Variants in DYNC1I1 observed in about 807,000 individuals in gnomAD.
DYNC1I1 encodes the protein dynein cytoplasmic 1 intermediate chain 1.
DYNC1I1 carries 43 observed loss-of-function variants against 86.6 expected under a neutral mutation model. The ratio of observed to expected loss-of-function variants is 0.50; its 90% CI spans 0.39 to 0.64. DYNC1I1 has a LOEUF of 0.64. Ranked by LOEUF, DYNC1I1 falls within the 30% of genes least tolerant of loss-of-function variation. The pLI is 0.00. For synonymous variants in DYNC1I1, 262 were observed against 283.7 expected, an observed-to-expected ratio of 0.92 and a Z score of 0.77; for missense variants, 604 against 788.8, an observed-to-expected ratio of 0.77 and a Z score of 2.81.
intron 5 of DYNC1I1, among the ~76,000 whole-genome samples, chr7:95,851,864 A>G (rs1053938858): frequency 6.6e-5 from 10 of 152,202 alleles, no homozygotes; most frequent in African/African-American, 2.4e-4. Context: ...GGGTTTCTCC[A>G]TGTTGGTCTT....
intron 5 of DYNC1I1, among the ~76,000 whole-genome samples, chr7:95,855,064 T>A (rs530747405): frequency 6.6e-6 from 1 of 152,328 alleles, no homozygotes; most frequent in South Asian, 2.1e-4. Flanking sequence ...AAACTTAATT[T>A]TATTTTCATT....
intron 2 of DYNC1I1, among the ~76,000 whole-genome samples, chr7:95,805,676 C>T (rs532844355): frequency 2.6e-5 from 4 of 152,178 alleles, no homozygotes; most frequent in East Asian, 1.9e-4. Flanking sequence ...TCTAATTTGT[C>T]GTGGCAGTGT....
intron 6 of DYNC1I1, among the ~76,000 whole-genome samples, chr7:95,883,810 G>A (rs1242458502): frequency 6.6e-6 from 1 of 152,152 alleles, no homozygotes; most frequent in African/African-American, 2.4e-5. Context: ...CTTAAAATCA[G>A]TTCCTTTGGT....
chr7:95,870,469 G>C (rs912091193), intron 6 of DYNC1I1, among the ~76,000 whole-genome samples: 2 of 152,236 alleles, frequency 1.3e-5, no homozygotes, highest in African/African-American at 2.4e-5. Context: ...TCTTGCTGCA[G>C]TGGCAGGGTT....
Position 96,028,235 on chromosome 7 carries a change from T to C in DYNC1I1, c.1030T>C (p.Tyr344His), listed in dbSNP as rs1328911448. Residue 344 changes from tyrosine to histidine, a missense_variant, in exon 11 of 17, where the codon TAC becomes CAC. By Grantham distance (83) the Tyr-to-His change is moderately conservative. Transcript: ENST00000447467. ...TCCTAACTTGGTGGTTGGTGGGACT[T>C]ACTCGGGCCAGATTGTCCTCTGGGA... ...FHPNLVVGGTYSGQIVLWDNR... is the reference protein window; with the variant it reads ...FHPNLVVGGTHSGQIVLWDNR... The C allele has an allele frequency of 8.7e-6, 14 of 1,613,942 alleles. No individual in the cohort carries two copies. The highest frequency in any genetic ancestry group is 1.2e-5 in the Non-Finnish European group (14 of 1,179,872).
intron 2 of DYNC1I1, among the ~76,000 whole-genome samples, chr7:95,809,952 A>G (rs1794790357): frequency 6.6e-6 from 1 of 152,124 alleles, no homozygotes; most frequent in African/African-American, 2.4e-5. Flanking sequence ...AAATAGTTTC[A>G]CTTTTCAGCA....
intron 14 of DYNC1I1, among the ~76,000 whole-genome samples, chr7:96,062,522 T>C (rs1420149275): frequency 6.6e-6 from 1 of 152,166 alleles, no homozygotes; most frequent in Non-Finnish European, 1.5e-5. Flanking sequence ...TCATTAATAC[T>C]GTGTAAATAT....
chr7:95,916,528 T>G (rs1398196078), intron 6 of DYNC1I1, among the ~76,000 whole-genome samples: 1 of 152,236 alleles, frequency 6.6e-6, no homozygotes, highest in Non-Finnish European at 1.5e-5. Flanking sequence ...AGATCTGAGT[T>G]GTTCTCCATT....
intron 1 of DYNC1I1, among the ~76,000 whole-genome samples, chr7:95,774,904 C>T (rs186319632): frequency 2.0e-5 from 3 of 152,282 alleles, no homozygotes; most frequent in Admixed American, 6.5e-5. Context: ...TGTTGTTTAA[C>T]GTAGCATCAA....
At chr7:95,787,525 A>T (rs1794180593) in intron 1 of DYNC1I1, among the ~76,000 whole-genome samples, 1 of 152,152 alleles carries the variant, frequency 6.6e-6, no homozygotes, top group Non-Finnish European at 1.5e-5. Context: ...AAACCAATGG[A>T]GCGTTGACAC....
At chr7:95,969,317 A>G (rs947334329) in intron 6 of DYNC1I1, among the ~76,000 whole-genome samples, 7 of 152,190 alleles carry the variant, frequency 4.6e-5, no homozygotes, top group African/African-American at 1.7e-4. Flanking sequence ...TATTTTACAC[A>G]CAATTGAGTC....
At chr7:95,925,786 A>T (rs995615382) in intron 6 of DYNC1I1, among the ~76,000 whole-genome samples, 2 of 152,262 alleles carry the variant, frequency 1.3e-5, no homozygotes, top group South Asian at 4.1e-4. Flanking sequence ...TTCTTATGCC[A>T]GTTTTATTAT....
At chr7:95,861,884 C>A (rs1417335762) in intron 5 of DYNC1I1, among the ~76,000 whole-genome samples, 1 of 152,144 alleles carries the variant, frequency 6.6e-6, no homozygotes, top group Non-Finnish European at 1.5e-5. Flanking sequence ...CTGCTTGGAG[C>A]AAGTGGCATC....
intron 9 of DYNC1I1, among the ~76,000 whole-genome samples, chr7:95,993,098 T>C (rs1233167727): frequency 6.6e-6 from 1 of 152,156 alleles, no homozygotes; most frequent in Non-Finnish European, 1.5e-5. Flanking sequence ...ACACTTAAGA[T>C]TAAATAATTG....
At chr7:95,780,795 ACT>A (rs1302838031) in intron 1 of DYNC1I1, among the ~76,000 whole-genome samples, 1 of 151,988 alleles carries the variant, frequency 6.6e-6, no homozygotes, top group African/African-American at 2.4e-5. Flanking sequence ...TGACCCTGAG[ACT>A]CTGTCTCAGA....
Position 95,977,580 on chromosome 7 carries a change from A to G in DYNC1I1, c.559A>G (p.Lys187Glu). ...GGACTCAGAACTGGAAAATCAGGAC[A>G]AAAAACAGGAAGTGAAGGAAGGTAT... ...GQDSELENQD[K>E]KQEVKEAPPR... is the part of the protein sequence containing the mutation. Residue 187 changes from lysine (K) to glutamate (E), a missense_variant, in exon 7 of 17, where the codon AAA (lysine) becomes GAA (glutamate). Physicochemically the swap from Lys to Glu is moderately conservative, Grantham distance 56. Coordinates refer to ENST00000447467, the MANE Select transcript of DYNC1I1 (RefSeq NM_001135556.2). 6.2e-7 allele frequency: 1 copy of G among 1,613,236 alleles called. No homozygotes were observed. The highest frequency in any genetic ancestry group is 8.5e-7 in the Non-Finnish European group (1 of 1,179,628).
downstream of DYNC1I1, chr7:96,110,126 CA>C: frequency 2.3e-6 from 1 of 430,690 alleles, no homozygotes; most frequent in Non-Finnish European, 4.6e-6. Context: ...AGATGAGTAC[CA>C]AAATCTGGAA....
chr7:95,883,786 C>G (rs1465928316), intron 6 of DYNC1I1, among the ~76,000 whole-genome samples: 2 of 152,160 alleles, frequency 1.3e-5, no homozygotes, highest in South Asian at 2.1e-4. Flanking sequence ...AAAAAGACCA[C>G]TGTGGAACTT....
chr7:95,939,266 A>G (rs375107563), intron 6 of DYNC1I1, among the ~76,000 whole-genome samples: 1 of 152,160 alleles, frequency 6.6e-6, no homozygotes, highest in Non-Finnish European at 1.5e-5. Flanking sequence ...AAAAAAATGT[A>G]TATTCTGTTG....
Sources: allele counts gnomAD v4.1 joint callset (sites outside exome capture counted in the v4.1 genomes callset), GRCh38; gene constraint gnomAD v4.1.1; transcripts MANE v1.5; gene names NCBI Gene and HGNC (gene_info 2026-07-23, HGNC 2026-07-21).